The following VPS13D variants were observed in gnomAD, a reference collection of about 807,000 sequenced individuals.
VPS13D encodes vacuolar protein sorting 13 homolog D, also known as intermembrane lipid transfer protein VPS13D.
Under a neutral mutation model 461.9 loss-of-function variants are expected in VPS13D, and 187 were observed. The observed-to-expected ratio is 0.40, with a 90% CI of 0.36 to 0.46. The LOEUF is 0.46. Ranked by LOEUF, VPS13D falls within the 20% of genes least tolerant of loss-of-function variation. The pLI, the probability that VPS13D is intolerant of heterozygous loss-of-function variation, is 0.60. For missense variants in VPS13D, 4,711 were observed against 5,364.9 expected (o/e 0.88, Z 3.81); for synonymous variants, 1,951 against 1,986.3 (o/e 0.98, Z 0.47).
At chr1:12,257,853 G>T (rs999482624) in intron 9 of VPS13D, 82 bp from the exon 10 acceptor site, 6 of 1,499,080 alleles carry the variant, frequency 4.0e-6, no homozygotes, top group Non-Finnish European at 5.5e-6. Context: ...AGAGGAGTGG[G>T]GTTATGTGGA....
chr1:12,480,090 G>A (rs1250884728), intron 67 of VPS13D, among the ~76,000 whole-genome samples: 1 of 152,168 alleles, frequency 6.6e-6, no homozygotes, highest in Non-Finnish European at 1.5e-5. Context: ...CCCAGGAGCT[G>A]TGCTGTCCCT....
intron 65 of VPS13D, among the ~76,000 whole-genome samples, chr1:12,425,578 T>A (rs954536027): frequency 5.5e-4 from 77 of 139,836 alleles, no homozygotes; most frequent in African/African-American, 1.6e-3. Flanking sequence ...AAAAAAAAAA[T>A]ATCAGCGATG....
chr1:12,278,802 C>G (rs1641695104), intron 19 of VPS13D, among the ~76,000 whole-genome samples: 1 of 152,144 alleles, frequency 6.6e-6, no homozygotes, highest in South Asian at 2.1e-4. Flanking sequence ...ATTCTGCCAT[C>G]TTCTTCTATA....
rs138331431 is a variant in VPS13D at position 12,409,385 on chromosome 1, A to AC, written c.12030+5412_12030+5413insC. 1.5e-3 allele frequency among the ~76,000 whole-genome samples: 236 copies of AC among 152,312 alleles called. 4 individuals are homozygous for AC. Among genetic ancestry groups the AC allele is most frequent in the African/African-American group, 5.5e-3 (229 of 41,570 alleles). ...CAAAATAATTTAAGGCAGTCTCAGA[A>AC]GACACATGCAAAAAGATTATAAGTA... On this transcript the variant is annotated intron_variant, in intron 63 of 69. Coordinates refer to ENST00000620676, the MANE Select transcript of VPS13D (RefSeq NM_015378.4).
intron 20 of VPS13D, among the ~76,000 whole-genome samples, chr1:12,280,974 G>C (rs1201467684): frequency 6.6e-6 from 1 of 151,740 alleles, no homozygotes; most frequent in Non-Finnish European, 1.5e-5. Flanking sequence ...AAGAATGTAA[G>C]CCTATACAAA....
chr1:12,458,010 C>T (rs1034000830), intron 66 of VPS13D, among the ~76,000 whole-genome samples: 1 of 152,180 alleles, frequency 6.6e-6, no homozygotes, highest in South Asian at 2.1e-4. Context: ...ATCCTTGTGA[C>T]GTGGAGAGAG....
intron 65 of VPS13D, among the ~76,000 whole-genome samples, chr1:12,432,484 G>A: frequency 6.6e-6 from 1 of 152,122 alleles, no homozygotes; most frequent in Non-Finnish European, 1.5e-5. Flanking sequence ...CCTCTCAGTG[G>A]ACACTGAAAA....
chr1:12,486,100 A>C (rs1247399685), intron 67 of VPS13D, among the ~76,000 whole-genome samples: 1 of 152,220 alleles, frequency 6.6e-6, no homozygotes, highest in East Asian at 1.9e-4. Context: ...AAAATCCAAG[A>C]TACTCTTGAG....
intron 12 of VPS13D, among the ~76,000 whole-genome samples, chr1:12,261,452 A>G (rs1227726695): frequency 6.6e-6 from 1 of 152,262 alleles, no homozygotes. Context: ...TTAAACCTGC[A>G]GTGTCCGATA....
At chr1:12,272,730 C>G (rs1465466443) in intron 17 of VPS13D, among the ~76,000 whole-genome samples, 1 of 152,150 alleles carries the variant, frequency 6.6e-6, no homozygotes, top group African/African-American at 2.4e-5. Flanking sequence ...GTATTAAACC[C>G]TGTAAATTAG....
At chr1:12,348,757 G>C in intron 44 of VPS13D, 66 bp from the exon 45 acceptor site, 1 of 1,569,982 alleles carries the variant, frequency 6.4e-7, no homozygotes, top group Non-Finnish European at 8.7e-7. Context: ...CATTCTGATC[G>C]ATATTATTGT....
At chr1:12,344,438 A>G (rs1381353386) in intron 42 of VPS13D, among the ~76,000 whole-genome samples, 1 of 152,058 alleles carries the variant, frequency 6.6e-6, no homozygotes, top group African/African-American at 2.4e-5. Context: ...TATGCTGGGC[A>G]CACATGTGCT....
rs190288303 is a variant in VPS13D at position 12,490,767 on chromosome 1, A to C, written c.12663-6733A>C. ...AAGCCCACGGCATGGTGGGAGCTACAGGTCCGAGATAGATGCAGCCCACGG... is the reference window on the plus strand; with the variant it reads ...AAGCCCACGGCATGGTGGGAGCTACCGGTCCGAGATAGATGCAGCCCACGG... On this transcript the variant is annotated intron_variant, in intron 67 of 69. Transcript: ENST00000620676. Among the ~76,000 whole-genome samples, 243 of 151,774 alleles carry C rather than the reference A, an allele frequency of 1.6e-3. 1 individual carries two copies. The highest frequency in any genetic ancestry group is 5.7e-3 in the African/African-American group (235 of 41,328).
intron 11 of VPS13D, 43 bp downstream of exon 11, chr1:12,260,837 C>T: frequency 1.9e-6 from 3 of 1,609,394 alleles, no homozygotes; most frequent in Non-Finnish European, 2.6e-6. Context: ...ACCCAGCACA[C>T]CCTGAGTGCT....
At chr1:12,433,979 G>A (rs1645028820) in intron 65 of VPS13D, among the ~76,000 whole-genome samples, 1 of 148,548 alleles carries the variant, frequency 6.7e-6, no homozygotes, top group South Asian at 2.2e-4. Flanking sequence ...TGGAGGAGGA[G>A]GAGGAGGAAA....
intron 66 of VPS13D, among the ~76,000 whole-genome samples, chr1:12,458,530 G>C (rs1645360052): frequency 6.6e-6 from 1 of 151,856 alleles, no homozygotes; most frequent in Admixed American, 6.6e-5. Flanking sequence ...TCATGCCACT[G>C]CACTCCTGCC....
chr1:12,425,290 A>G (rs1275516506), intron 65 of VPS13D, among the ~76,000 whole-genome samples: 3 of 152,118 alleles, frequency 2.0e-5, no homozygotes, highest in Non-Finnish European at 2.9e-5. Context: ...GGGCATGGTG[A>G]CTGACACCTG....
chr1:12,504,614 G>A (rs1381519462), intron 68 of VPS13D, among the ~76,000 whole-genome samples: 2 of 152,180 alleles, frequency 1.3e-5, no homozygotes, highest in Middle Eastern at 3.2e-3. Context: ...AGAAAGCAAC[G>A]GACTCGGCCA....
intron 13 of VPS13D, among the ~76,000 whole-genome samples, chr1:12,265,726 A>G (rs984246836): frequency 2.0e-5 from 3 of 152,220 alleles, no homozygotes; most frequent in Non-Finnish European, 2.9e-5. Context: ...TAGAAGTGGA[A>G]CCTGAAGATG....
Sources: allele counts gnomAD v4.1 joint callset (sites outside exome capture counted in the v4.1 genomes callset), GRCh38; gene constraint gnomAD v4.1.1; transcripts MANE v1.5; gene names NCBI Gene and HGNC (gene_info 2026-07-23, HGNC 2026-07-21).